LOC128462377: variants seen among roughly 807,000 people sequenced by gnomAD.
chr16:89,369,374 A>G, the LOC128462377 span, among the ~76,000 whole-genome samples: 2 of 152,084 alleles, frequency 1.3e-5, no homozygotes, highest in South Asian at 4.1e-4. Context: ...TGGGTGCATG[A>G]CCCGCATGAC....
At chr16:89,323,202 T>TCCG in the LOC128462377 span, 1 of 783,680 alleles carries the variant, frequency 1.3e-6, no homozygotes, top group South Asian at 1.5e-5. Flanking sequence ...GGGAGAGAAG[T>TCCG]CTCCAACGGA....
chr16:89,376,094 C>T, the LOC128462377 span, among the ~76,000 whole-genome samples: 1 of 152,172 alleles, frequency 6.6e-6, no homozygotes, highest in African/African-American at 2.4e-5. Context: ...TTGTGAAATA[C>T]CTTTTTATCT....
the LOC128462377 span, among the ~76,000 whole-genome samples, chr16:89,385,828 C>T: frequency 6.6e-6 from 1 of 152,372 alleles, no homozygotes; most frequent in Non-Finnish European, 1.5e-5. Context: ...CAGCCAGAGG[C>T]CGGGGATTAG....
the LOC128462377 span, among the ~76,000 whole-genome samples, chr16:89,405,072 C>T: frequency 6.6e-5 from 10 of 152,202 alleles, no homozygotes; most frequent in African/African-American, 2.4e-4. Context: ...CGCCCCGTCA[C>T]ACGCTCTCAC....
At chr16:89,333,635 G>T in the LOC128462377 span, among the ~76,000 whole-genome samples, 1 of 152,132 alleles carries the variant, frequency 6.6e-6, no homozygotes, top group Non-Finnish European at 1.5e-5. Context: ...CCTTGGAGAC[G>T]GGCTGCTTTC....
the LOC128462377 span, chr16:89,323,359 T>G: frequency 7.8e-7 from 1 of 1,285,702 alleles, no homozygotes; most frequent in Non-Finnish European, 1.0e-6. Flanking sequence ...ACCACTGGCC[T>G]CTCACCTCTC....
At chr16:89,381,331 CAAAAAA>C in the LOC128462377 span, among the ~76,000 whole-genome samples, 1,209 of 76,348 alleles carry the variant, frequency 0.016, 28 homozygotes, top group African/African-American at 0.065. Flanking sequence ...GACTCTGCTG[CAAAAAA>C]AAAAAAAAAA....
chr16:89,357,961 T>A, the LOC128462377 span, among the ~76,000 whole-genome samples: 35 of 152,354 alleles, frequency 2.3e-4, no homozygotes, highest in Non-Finnish European at 1.0e-4. Flanking sequence ...ACAATCAGAT[T>A]TAGTTATGAT....
the LOC128462377 span, among the ~76,000 whole-genome samples, chr16:89,373,675 C>T: frequency 1.2e-4 from 18 of 152,314 alleles, no homozygotes; most frequent in South Asian, 2.3e-3. Flanking sequence ...ATGTAACTCT[C>T]GCTGATGCAT....
chr16:89,405,271 G>A, the LOC128462377 span, among the ~76,000 whole-genome samples: 599 of 152,276 alleles, frequency 3.9e-3, 2 homozygotes, highest in Non-Finnish European at 5.2e-3. Context: ...ATGCCGTTAC[G>A]TGGGGCATGA....
At chr16:89,342,889 G>T in the LOC128462377 span, among the ~76,000 whole-genome samples, 1 of 152,200 alleles carries the variant, frequency 6.6e-6, no homozygotes, top group Admixed American at 6.5e-5. Flanking sequence ...GGAAAGGGAC[G>T]GAGGTGAATG....
At chr16:89,388,367 T>C in the LOC128462377 span, among the ~76,000 whole-genome samples, 8 of 145,542 alleles carry the variant, frequency 5.5e-5, no homozygotes, top group African/African-American at 2.0e-4. Context: ...CCTGACCTCG[T>C]GATCTGCCCG....
the LOC128462377 span, among the ~76,000 whole-genome samples, chr16:89,391,590 C>A: frequency 6.6e-6 from 1 of 152,196 alleles, no homozygotes; most frequent in African/African-American, 2.4e-5. Flanking sequence ...CCTCAGAACC[C>A]CTACTAACTG....
the LOC128462377 span, among the ~76,000 whole-genome samples, chr16:89,411,357 G>T: frequency 1.3e-5 from 2 of 152,380 alleles, no homozygotes; most frequent in East Asian, 1.9e-4. Context: ...ACCGGAAGAG[G>T]AGCAGGCTGC....
the LOC128462377 span, among the ~76,000 whole-genome samples, chr16:89,346,250 G>GAAAAAAAAAAAAAAAA: frequency 1.0e-5 from 1 of 96,870 alleles, no homozygotes; most frequent in African/African-American, 4.1e-5. Context: ...CCCGTCTCAG[G>GAAAAAAAAAAAAAAAA]AAAAAAAAAA....
the LOC128462377 span, among the ~76,000 whole-genome samples, chr16:89,353,350 AAGAGAG>A: frequency 2.1e-4 from 32 of 149,556 alleles, no homozygotes; most frequent in East Asian, 5.9e-4. Flanking sequence ...TCCAAAAAAA[AAGAGAG>A]AGAGAGAGAG....
the LOC128462377 span, among the ~76,000 whole-genome samples, chr16:89,340,896 A>G: frequency 6.6e-6 from 1 of 152,232 alleles, no homozygotes; most frequent in Non-Finnish European, 1.5e-5. Context: ...AAAAACGTTT[A>G]GGAAGGCACC....
At chr16:89,418,099 A>T in the LOC128462377 span, among the ~76,000 whole-genome samples, 11 of 152,226 alleles carry the variant, frequency 7.2e-5, 1 homozygote, top group Non-Finnish European at 1.3e-4. Context: ...ATTAATCCAA[A>T]AATGCTTACC....
At chr16:89,339,420 C>A in the LOC128462377 span, among the ~76,000 whole-genome samples, 1 of 152,170 alleles carries the variant, frequency 6.6e-6, no homozygotes. Flanking sequence ...TCGGTAGCAT[C>A]ACACAGGTCA....
Sources: gnomAD v4.1 joint callset for allele counts (sites outside exome capture counted in the v4.1 genomes callset) on GRCh38, gnomAD v4.1.1 for gene constraint, MANE v1.5 for transcripts.